PCDHGA5: variants seen among roughly 807,000 people sequenced by gnomAD.
PCDHGA5 encodes the protein protocadherin gamma subfamily A, 5, also known as protocadherin gamma-A5.
A neutral mutation model predicts 56.7 loss-of-function variants in PCDHGA5; 36 were observed. The ratio of observed to expected loss-of-function variants is 0.64; its 90% CI spans 0.49 to 0.84. PCDHGA5 has a LOEUF of 0.84. Ranked by LOEUF, PCDHGA5 falls within the 40% of genes least tolerant of loss-of-function variation. The probability of loss-of-function intolerance (pLI) is 0.00; values close to 1 mark genes in which losing one functional copy is unlikely to be tolerated. For synonymous variants in PCDHGA5, 563 were observed against 520.2 expected (o/e 1.08, Z -1.12); for missense variants, 1,305 against 1,201.5 (o/e 1.09, Z -1.27).
chr5:141,398,908 G>A, intron 1 of PCDHGA5: 2 of 1,613,978 alleles, frequency 1.2e-6, no homozygotes, highest in East Asian at 2.2e-5. Flanking sequence ...AGGCACCACT[G>A]TGTTGCAAGT....
chr5:141,427,046 C>A (rs916723344), intron 1 of PCDHGA5: 6 of 457,244 alleles, frequency 1.3e-5, no homozygotes, highest in African/African-American at 2.0e-5. Flanking sequence ...AGAATGTGCC[C>A]CCAGGCACCT....
intron 1 of PCDHGA5, chr5:141,395,133 A>G (rs760451747): frequency 1.2e-6 from 2 of 1,614,192 alleles, no homozygotes; most frequent in Non-Finnish European, 8.5e-7. Context: ...TCCCCAGCCC[A>G]ACTACGCAGA....
intron 1 of PCDHGA5, chr5:141,399,788 A>T: frequency 6.2e-7 from 1 of 1,613,174 alleles, no homozygotes; most frequent in South Asian, 1.1e-5. Context: ...CGAAACGACA[A>T]CGCACCGCGG....
chr5:141,478,415 C>T, intron 1 of PCDHGA5: 1 of 1,613,648 alleles, frequency 6.2e-7, no homozygotes, highest in Non-Finnish European at 8.5e-7. Flanking sequence ...CACGGACTCC[C>T]GCCGCAGCGA....
chr5:141,438,651 CAT>C (rs2098045358), intron 1 of PCDHGA5, among the ~76,000 whole-genome samples: 1 of 83,744 alleles, frequency 1.2e-5, no homozygotes, highest in East Asian at 3.2e-4. Context: ...CACACACACA[CAT>C]ATATGTATAT....
At chr5:141,397,223 T>C (rs144227558) in intron 1 of PCDHGA5, among the ~76,000 whole-genome samples, 1 of 152,304 alleles carries the variant, frequency 6.6e-6, no homozygotes, top group East Asian at 1.9e-4. Context: ...TATTTTGAGA[T>C]ATGAAGAAGA....
At position 141,485,413 on chromosome 5, in the gene PCDHGA5, C is replaced by T; in HGVS notation, c.2422-9394C>T. ...AAAGACACTTCCGTGTGGATTTGGA[C>T]AGCGGAGCCCTGCTCATCAAGAACC... On this transcript the variant is annotated intron_variant, in intron 1 of 3. Transcript: ENST00000518069. The surrounding 1 kb of genome is among the most constrained non-coding windows in gnomAD (Gnocchi z 5.7). The T allele has an allele frequency of 6.2e-7, 1 of 1,614,158 alleles. No individual in the cohort carries two copies. The highest frequency in any genetic ancestry group is 8.5e-7 in the Non-Finnish European group (1 of 1,180,030).
At chr5:141,499,136 G>A (rs1488844131) in intron 2 of PCDHGA5, among the ~76,000 whole-genome samples, 1 of 152,100 alleles carries the variant, frequency 6.6e-6, no homozygotes, top group Non-Finnish European at 1.5e-5. Flanking sequence ...CATCCTTTGG[G>A]TGTCTGATCC....
Position 141,475,971 on chromosome 5 carries a change from C to G in PCDHGA5, c.2422-18836C>G, listed in dbSNP as rs750016455. On this transcript the variant is annotated intron_variant, in intron 1 of 3. Coordinates refer to ENST00000518069, the MANE Select transcript of PCDHGA5 (RefSeq NM_018918.3). The stretch of plus-strand genomic sequence containing the variant: ...TCTGCGCCCCGGGATGAGGCAGAGA[C>G]TGAACAGCCGGCGAGCAAATCAACG... 2.5e-5 allele frequency: 24 copies of G among 954,292 alleles called. No individual in the cohort carries two copies. In the African/African-American group the frequency reaches 3.4e-4, roughly 14 times the overall value. 59.1% of individuals were successfully genotyped at this position (954,292 alleles called of 1,614,324 possible). A position where few individuals can be genotyped will look rare whatever the true frequency, so the allele number is the denominator to read the frequency against.
chr5:141,435,904 C>G (rs967350870), intron 1 of PCDHGA5, among the ~76,000 whole-genome samples: 2 of 152,068 alleles, frequency 1.3e-5, no homozygotes, highest in Admixed American at 6.5e-5. Context: ...TGAAAGACAT[C>G]CAAGGGCTCT....
Position 141,489,592 on chromosome 5 carries a change from C to T in PCDHGA5, c.2422-5215C>T, listed in dbSNP as rs747085985. 1.3e-5 allele frequency: 21 copies of T among 1,613,928 alleles called. No individual in the cohort carries two copies. The East Asian group carries it at 1.6e-4, about 12-fold the overall frequency. ...GACTGAACACCCCCTGGAGCTAATC[C>T]GTGTAGAGGTAGAGATCCTGGATCT... is the stretch of plus-strand genomic sequence containing the variant. On this transcript the variant is annotated intron_variant, in intron 1 of 3. Transcript: ENST00000518069. This position sits in a 1 kb window ranked among gnomAD's most constrained non-coding sequence, Gnocchi z 4.5.
At position 141,490,276 on chromosome 5, in the gene PCDHGA5, A is replaced by T; in HGVS notation, c.2422-4531A>T. 1 of 1,614,236 alleles carries T rather than the reference A, an allele frequency of 6.2e-7. No individual in the cohort carries two copies. Among genetic ancestry groups the T allele is most frequent in the Non-Finnish European group, 8.5e-7 (1 of 1,180,036 alleles). On this transcript the variant is annotated intron_variant, in intron 1 of 3. Transcript: ENST00000518069. This position sits in a 1 kb window ranked among gnomAD's most constrained non-coding sequence, Gnocchi z 5.4. ...AGTGGATGTGGGGGATGTCAATGACAATGCCCCAGAGGTGCTATTGGCCTC... is the reference window on the plus strand; with the variant it reads ...AGTGGATGTGGGGGATGTCAATGACTATGCCCCAGAGGTGCTATTGGCCTC...
chr5:141,403,626 C>T, intron 1 of PCDHGA5: 1 of 1,613,910 alleles, frequency 6.2e-7, no homozygotes, highest in Non-Finnish European at 8.5e-7. Context: ...CGCTCCAGCA[C>T]AGTGCGCATC....
chr5:141,399,411 C>G lies in PCDHGA5; in HGVS notation c.2421+32660C>G, dbSNP rs375057054. 3.4e-5 allele frequency: 55 copies of G among 1,613,900 alleles called. No individual in the cohort carries two copies. In the African/African-American group the frequency reaches 5.3e-4, roughly 16 times the overall value. On this transcript the variant is annotated intron_variant, in intron 1 of 3. Transcript: ENST00000518069. ...CCACAGACAGGGGCAAGCCGCCCCT[C>G]TCCTCCAGCATAAGCGTCATCCTAC...
intron 2 of PCDHGA5, among the ~76,000 whole-genome samples, chr5:141,495,943 C>T (rs998665622): frequency 3.9e-5 from 6 of 152,010 alleles, no homozygotes; most frequent in African/African-American, 1.4e-4. Flanking sequence ...GTCTCTGTGC[C>T]TGTTGTCTTT....
At chr5:141,470,599 C>T (rs967683467) in intron 1 of PCDHGA5, among the ~76,000 whole-genome samples, 12 of 152,194 alleles carry the variant, frequency 7.9e-5, no homozygotes, top group Non-Finnish European at 1.2e-4. Context: ...GCGACCTGTG[C>T]GGGGACACAG....
Position 141,490,672 on chromosome 5 carries a change from G to T in PCDHGA5, c.2422-4135G>T. The T allele has an allele frequency of 6.2e-7, 1 of 1,614,114 alleles. No homozygotes were observed. Among genetic ancestry groups the T allele is most frequent in the Non-Finnish European group, 8.5e-7 (1 of 1,179,996 alleles). ...GGGCTCCCTTCTTTGCACTGTGGCT[G>T]CCTCAGATCCAGACACTGGGGATAA... On this transcript the variant is annotated intron_variant, in intron 1 of 3. Coordinates refer to ENST00000518069, the MANE Select transcript of PCDHGA5 (RefSeq NM_018918.3). The surrounding 1 kb of genome is among the most constrained non-coding windows in gnomAD (Gnocchi z 5.4).
intron 2 of PCDHGA5, among the ~76,000 whole-genome samples, chr5:141,504,793 C>A (rs1256626821): frequency 9.9e-5 from 15 of 152,166 alleles, no homozygotes; most frequent in Admixed American, 3.9e-4. Context: ...GGGCCTCCTA[C>A]ATCTCCCCCT....
At chr5:141,428,095 A>G (rs1361784967) in intron 1 of PCDHGA5, 1 of 1,608,848 alleles carries the variant, frequency 6.2e-7, no homozygotes, top group East Asian at 2.2e-5. Flanking sequence ...TGGCTGTCCT[A>G]CCACGTGCTG....
Sources: allele counts gnomAD v4.1 joint callset (sites outside exome capture counted in the v4.1 genomes callset), GRCh38; gene constraint gnomAD v4.1.1; non-coding constraint Gnocchi (gnomAD v3.1); transcripts MANE v1.5; gene names NCBI Gene and HGNC (gene_info 2026-07-23, HGNC 2026-07-21).